Variants in UBE2D2 observed in about 807,000 individuals in gnomAD.
UBE2D2 encodes ubiquitin conjugating enzyme E2 D2.
In UBE2D2, 2 loss-of-function variants were observed where a neutral mutation model predicts 24.2. The observed-to-expected ratio is 0.08, with a 90% CI of 0.03 to 0.26. The LOEUF (loss-of-function observed/expected upper bound fraction) is 0.26, where lower values mean the gene tolerates loss of function less well. UBE2D2 is among the 10% of genes least tolerant of loss of function. The probability of loss-of-function intolerance (pLI) is 1.00; values close to 1 mark genes in which losing one functional copy is unlikely to be tolerated. For missense variants in UBE2D2, 44 were observed against 177.6 expected (o/e 0.25, Z 4.28); for synonymous variants, 58 against 56.5 (o/e 1.03, Z -0.12).
chr5:139,549,895 T>G (rs1316133269), intron 1 of UBE2D2, among the ~76,000 whole-genome samples: 9 of 152,226 alleles, frequency 5.9e-5, no homozygotes, highest in African/African-American at 1.7e-4. Flanking sequence ...TCAGGGTTCA[T>G]GGATGCAGCA....
At chr5:139,597,432 A>G (rs1168127991) in intron 1 of UBE2D2, among the ~76,000 whole-genome samples, 2 of 152,190 alleles carry the variant, frequency 1.3e-5, no homozygotes, top group Admixed American at 1.3e-4. Context: ...CTATTAGCCT[A>G]AGTTTGGCTT....
At chr5:139,603,528 C>T (rs1754127300) in intron 2 of UBE2D2, among the ~76,000 whole-genome samples, 1 of 145,776 alleles carries the variant, frequency 6.9e-6, no homozygotes, top group Non-Finnish European at 1.5e-5. Flanking sequence ...GAGGCTGAGG[C>T]AGGAGAATCG....
At position 139,573,178 on chromosome 5, in the gene UBE2D2, T is replaced by C. The variant is rs1311114922; in HGVS notation, c.24+11363T>C. Among the ~76,000 whole-genome samples, 3 of 151,580 alleles carry C rather than the reference T, an allele frequency of 2.0e-5. No homozygotes were observed. The South Asian group carries it at 6.3e-4, about 32-fold the overall frequency. On this transcript the variant is annotated intron_variant, in intron 1 of 6. Transcript: ENST00000398733. ...TTAGCCAGACGTGGTGGTGGGCACC[T>C]GTAGTCCCAGCTACTCAGGAGGCTG...
rs535006489 is a variant in UBE2D2 at position 139,544,529 on chromosome 5, G to A, written c.-64+17917G>A. On this transcript the variant is annotated intron_variant, in intron 1 of 6. Transcript: ENST00000511725. ...TGGCCTTGAACTCTTGACCTCAGGT[G>A]ATCTACCCACCTCAGCCTCCCAAGT... 4.9e-4 allele frequency among the ~76,000 whole-genome samples: 74 copies of A among 151,344 alleles called. 1 individual carries two copies. In the South Asian group the frequency reaches 0.011, roughly 23 times the overall value.
At chr5:139,526,301 A>G (rs1752536234), upstream of UBE2D2, 1 of 152,208 alleles carries the variant, frequency 6.6e-6, no homozygotes, top group African/African-American at 2.4e-5. Flanking sequence ...CCTTCCTTCT[A>G]CAACTTGGTG....
chr5:139,582,551 T>G (rs374698878), intron 1 of UBE2D2, among the ~76,000 whole-genome samples: 9 of 151,876 alleles, frequency 5.9e-5, no homozygotes, highest in African/African-American at 2.2e-4. Context: ...TGAAATAAAA[T>G]TTAACAGTGT....
chr5:139,552,786 G>A (rs531370136), intron 1 of UBE2D2, among the ~76,000 whole-genome samples: 13 of 149,964 alleles, frequency 8.7e-5, no homozygotes, highest in African/African-American at 2.4e-4. Flanking sequence ...AAGTTCAAGC[G>A]ATTCTCCTTC....
chr5:139,598,293 A>G (rs1753999698), intron 1 of UBE2D2, among the ~76,000 whole-genome samples: 1 of 152,186 alleles, frequency 6.6e-6, no homozygotes, highest in Admixed American at 6.6e-5. Flanking sequence ...TGGATTTAAA[A>G]AATCTTAGAC....
intron 1 of UBE2D2, among the ~76,000 whole-genome samples, chr5:139,548,141 G>A (rs61631751): frequency 0.52 from 61,800 of 118,712 alleles, 16,157 homozygotes; most frequent in African/African-American, 0.76. Context: ...TCCAGCCTGG[G>A]CGACAGAGCG....
rs568823607 is a variant in UBE2D2 at position 139,606,595 on chromosome 5, C to G, written c.88+6160C>G. 5.9e-5 allele frequency among the ~76,000 whole-genome samples: 9 copies of G among 152,230 alleles called. No individual in the cohort carries two copies. The South Asian group carries it at 1.9e-3, about 32-fold the overall frequency. ...TGTAATTTGGTTTGATAGTATTAAA[C>G]CAACATAGTGCTGGGAACTTATTTT... On this transcript the variant is annotated intron_variant, in intron 2 of 6. Transcript: ENST00000398733.
intron 1 of UBE2D2, among the ~76,000 whole-genome samples, chr5:139,564,610 A>G (rs1292806854): frequency 4.0e-5 from 6 of 151,806 alleles, no homozygotes; most frequent in Non-Finnish European, 5.9e-5. Flanking sequence ...CTCCGCCGCC[A>G]TGCCCAGCTA....
rs545991151 is a variant in UBE2D2 at position 139,601,051 on chromosome 5, C to T, written c.88+616C>T. On this transcript the variant is annotated intron_variant, in intron 2 of 6. Transcript: ENST00000398733. ...CTCCTGGCCTCAGGTGATCCGCCCG[C>T]TTTGGCCTCCCAAAGTGCTGGGATT... Among the ~76,000 whole-genome samples the T allele has an allele frequency of 7.2e-5, 11 of 152,336 alleles. No individual in the cohort carries two copies. The South Asian group carries it at 2.3e-3, about 32-fold the overall frequency.
intron 1 of UBE2D2, among the ~76,000 whole-genome samples, chr5:139,563,948 T>G (rs1452645369): frequency 2.6e-5 from 4 of 151,744 alleles, no homozygotes; most frequent in Non-Finnish European, 5.9e-5. Context: ...AAAAAAGAAA[T>G]GTAGACTTTA....
At chr5:139,585,650 G>A (rs537787129) in intron 1 of UBE2D2, among the ~76,000 whole-genome samples, 62 of 152,144 alleles carry the variant, frequency 4.1e-4, no homozygotes, top group Admixed American at 1.1e-3. Flanking sequence ...ACCCTACTAA[G>A]CATTAATCCA....
In UBE2D2 at chr5:139,549,227, G is replaced by A. The variant is rs978676805; in HGVS notation, c.-64+22615G>A. Among the ~76,000 whole-genome samples the A allele has an allele frequency of 6.6e-5, 10 of 152,240 alleles. No individual in the cohort carries two copies. In the East Asian group the frequency reaches 9.7e-4, roughly 15 times the overall value. ...TCATTCTGGGCGCCTCCTCGGCCTC[G>A]GCGTCCACTCTGGCTGCGCTTGAGG... On this transcript the variant is annotated intron_variant, in intron 1 of 6. Coordinates refer to the UBE2D2 transcript ENST00000511725.
At chr5:139,569,305 A>C (rs1257355761) in intron 1 of UBE2D2, among the ~76,000 whole-genome samples, 1 of 152,166 alleles carries the variant, frequency 6.6e-6, no homozygotes. Flanking sequence ...TGTTATTTAA[A>C]TATAATTCAA....
rs1007489256 is a variant in UBE2D2 at position 139,561,718 on chromosome 5, G to A, written c.-74G>A. ...ACCGAGATCGCCGAGGCGGCCTCAG[G>A]CTCCCTAGCCCCTTCCCCGTCCCTT... On this transcript the variant is annotated 5_prime_UTR_variant, in exon 1 of 7. Coordinates refer to ENST00000398733, the MANE Select transcript of UBE2D2 (RefSeq NM_003339.3). The A allele has an allele frequency of 4.6e-5, 57 of 1,227,706 alleles. No individual in the cohort carries two copies. The highest frequency in any genetic ancestry group is 6.0e-5 in the Non-Finnish European group (55 of 915,330). The allele number at this position is 1,227,706 out of a possible 1,614,324, so 76.1% of individuals were successfully genotyped here. A position where few individuals can be genotyped will look rare whatever the true frequency, so the allele number is the denominator to read the frequency against.
chr5:139,549,677 C>T (rs183294366), intron 1 of UBE2D2, among the ~76,000 whole-genome samples: 2,559 of 152,338 alleles, frequency 0.017, 29 homozygotes, highest in Non-Finnish European at 0.024. Flanking sequence ...GGGCGCCACC[C>T]CCTGCTCCGC....
chr5:139,580,893 A>G (rs979733341), intron 1 of UBE2D2, among the ~76,000 whole-genome samples: 2 of 152,198 alleles, frequency 1.3e-5, no homozygotes, highest in Non-Finnish European at 2.9e-5. Flanking sequence ...CTCCAGCCTG[A>G]GCGACAGAGT....
Sources: allele counts gnomAD v4.1 joint callset (sites outside exome capture counted in the v4.1 genomes callset), GRCh38; gene constraint gnomAD v4.1.1; transcripts MANE v1.5; gene names NCBI Gene and HGNC (gene_info 2026-07-23, HGNC 2026-07-21).